Variants in AGMO observed in about 807,000 individuals in gnomAD.
The protein encoded by AGMO is glyceryl-ether monooxygenase.
Under a neutral mutation model 60.2 loss-of-function variants are expected in AGMO, and 75 were observed. That is an observed-to-expected ratio of 1.25 (90% CI 1.03 to 1.51). The LOEUF (loss-of-function observed/expected upper bound fraction) is 1.51. Ranked by LOEUF, AGMO falls within the 40% of genes most tolerant of loss-of-function variation. The pLI, the probability that AGMO is intolerant of heterozygous loss-of-function variation, is 0.00. For synonymous variants in AGMO, 261 were observed against 177.1 expected (o/e 1.47, Z -3.76); for missense variants, 763 against 525.5 (o/e 1.45, Z -4.42).
intron 12 of AGMO, among the ~76,000 whole-genome samples, chr7:15,337,596 G>T (rs1411324020): frequency 6.6e-6 from 1 of 152,158 alleles, no homozygotes; most frequent in Non-Finnish European, 1.5e-5. Flanking sequence ...TAGAGAAGAG[G>T]TCATTACAAT....
At chr7:15,336,585 A>C (rs1456788755) in intron 12 of AGMO, among the ~76,000 whole-genome samples, 1 of 152,136 alleles carries the variant, frequency 6.6e-6, no homozygotes, top group East Asian at 1.9e-4. Flanking sequence ...GGAAATTTCA[A>C]TTGTCATTTA....
chr7:15,519,012 C>T (rs1258784640), intron 3 of AGMO, among the ~76,000 whole-genome samples: 3 of 151,354 alleles, frequency 2.0e-5, no homozygotes, highest in South Asian at 2.1e-4. Flanking sequence ...ATGAGAACTT[C>T]CTGAAGCATA....
downstream of AGMO, among the ~76,000 whole-genome samples, chr7:15,198,562 C>G (rs1451596089): frequency 6.6e-6 from 1 of 152,164 alleles, no homozygotes; most frequent in Non-Finnish European, 1.5e-5. Context: ...TCAATTCATG[C>G]AGAGCCAGCT....
intron 5 of AGMO, among the ~76,000 whole-genome samples, chr7:15,417,875 G>T (rs1213110949): frequency 6.6e-6 from 1 of 152,094 alleles, no homozygotes; most frequent in Non-Finnish European, 1.5e-5. Context: ...GTTTAAAAGA[G>T]TGCTTGTGTG....
At position 15,561,977 on chromosome 7, in the gene AGMO, C is replaced by T; in HGVS notation, c.-132G>A. ...CAGAGAACAGCTAAAACCAAAGCTC[C>T]ACTGAGAGCACACTCAACAGCCGAT... is the stretch of plus-strand genomic sequence containing the variant. On this transcript the variant is annotated 5_prime_UTR_variant, in exon 1 of 13. Coordinates refer to ENST00000342526, the MANE Select transcript of AGMO (RefSeq NM_001004320.2). The T allele has an allele frequency of 2.4e-6, 2 of 843,948 alleles. No homozygotes were observed. The highest frequency in any genetic ancestry group is 3.5e-6 in the Non-Finnish European group (2 of 569,054). 52.3% of individuals were successfully genotyped at this position (843,948 alleles called of 1,614,324 possible).
chr7:15,325,484 T>G (rs1337976293), intron 12 of AGMO, among the ~76,000 whole-genome samples: 2 of 152,138 alleles, frequency 1.3e-5, no homozygotes, highest in African/African-American at 2.4e-5. Context: ...TTAAACAAAC[T>G]TCTCTCACAA....
chr7:15,557,709 G>A lies in AGMO; in HGVS notation c.257+2432C>T, dbSNP rs149581444. 1.3e-3 allele frequency among the ~76,000 whole-genome samples: 199 copies of A among 151,892 alleles called. 1 individual carries two copies. The highest frequency in any genetic ancestry group is 4.4e-3 in the African/African-American group (181 of 41,460). ...TGCTTTACTGGGATCTTTCAGACAA[G>A]GCTGTAAAAGAGAAAATTCCTTGAA... On this transcript the variant is annotated intron_variant, in intron 2 of 12. Transcript: ENST00000342526.
the AGMO span, among the ~76,000 whole-genome samples, chr7:15,125,584 T>C: frequency 5.9e-5 from 9 of 152,088 alleles, no homozygotes; most frequent in Admixed American, 1.3e-4. Context: ...ACTCTTGCAA[T>C]AGTGTTTATG....
intron 12 of AGMO, among the ~76,000 whole-genome samples, chr7:15,288,178 C>T (rs978695825): frequency 6.6e-6 from 1 of 152,002 alleles, no homozygotes; most frequent in Non-Finnish European, 1.5e-5. Flanking sequence ...CGCCCAGCAC[C>T]ACGCCCGGCT....
At chr7:15,157,973 C>T in the AGMO span, among the ~76,000 whole-genome samples, 1 of 152,214 alleles carries the variant, frequency 6.6e-6, no homozygotes, top group Admixed American at 6.5e-5. Context: ...ATTCTGGTTG[C>T]TAAGCAGGAT....
At chr7:15,352,988 G>C (rs1007163713) in intron 12 of AGMO, among the ~76,000 whole-genome samples, 13 of 152,034 alleles carry the variant, frequency 8.6e-5, no homozygotes, top group African/African-American at 3.1e-4. Flanking sequence ...TGTCGGATGC[G>C]CAGGTCATAA....
Position 15,560,217 on chromosome 7 carries a change from G to C in AGMO, c.181C>G (p.Leu61Val). ...AGGCGACCTGGTGGCTTTCCTTTGA[G>C]AATCCAGCTGACAACAAGTTCAAGC... ...MLLELVVSWI[L>V]KGKPPGRLDD... Residue 61 changes from leucine (L) to valine (V), a missense_variant, in exon 2 of 13, where the codon CTC becomes GTC. Physicochemically the swap from Leu to Val is conservative, Grantham distance 32. Transcript: ENST00000342526. 1.2e-6 allele frequency: 2 copies of C among 1,613,044 alleles called. No individual in the cohort carries two copies.
the AGMO span, among the ~76,000 whole-genome samples, chr7:15,117,298 G>T: frequency 4.7e-4 from 72 of 152,012 alleles, no homozygotes; most frequent in African/African-American, 1.7e-3. Flanking sequence ...AACTGCAAAG[G>T]AACAAGAGAG....
intron 3 of AGMO, among the ~76,000 whole-genome samples, chr7:15,497,960 G>A (rs1783278012): frequency 6.6e-6 from 1 of 151,972 alleles, no homozygotes; most frequent in South Asian, 2.1e-4. Context: ...ATCATATCAT[G>A]CTTGATGGGA....
chr7:15,288,196 T>TTTA lies in AGMO; in HGVS notation c.1263+77315_1263+77317dup, dbSNP rs1294402446. Among the ~76,000 whole-genome samples, 9 of 152,064 alleles carry TTTA rather than the reference T, an allele frequency of 5.9e-5. No homozygotes were observed. The East Asian group carries it at 1.6e-3, about 26-fold the overall frequency. On this transcript the variant is annotated intron_variant, in intron 12 of 12. Coordinates refer to ENST00000342526, the MANE Select transcript of AGMO (RefSeq NM_001004320.2). ...CCAGCACCACGCCCGGCTAATTTTT[T>TTTA]TTATTATTATTATTTTTAGTAGAGA... is the stretch of plus-strand genomic sequence containing the variant.
At chr7:15,334,325 T>A (rs77195711) in intron 12 of AGMO, among the ~76,000 whole-genome samples, 60 of 145,702 alleles carry the variant, frequency 4.1e-4, no homozygotes, top group Middle Eastern at 7.3e-3. Flanking sequence ...TTTTTTTTTT[T>A]AAATATGCAT....
chr7:15,387,279 G>A, intron 9 of AGMO, 127 bp downstream of exon 9: 1 of 1,095,444 alleles, frequency 9.1e-7, no homozygotes, highest in East Asian at 2.4e-5. Flanking sequence ...ATGCACCACA[G>A]GACTGCATCT....
In AGMO at chr7:15,515,497, T is replaced by A. The variant is rs569893737; in HGVS notation, c.409+29275A>T. Among the ~76,000 whole-genome samples the A allele has an allele frequency of 9.2e-5, 14 of 152,362 alleles. No homozygotes were observed. The East Asian group carries it at 2.7e-3, about 29-fold the overall frequency. The stretch of plus-strand genomic sequence containing the variant: ...CCTGGAATTAGAATGTGCTTTGTTG[T>A]CATTCCCGTGGATGTACGTTTTGGC... On this transcript the variant is annotated intron_variant, in intron 3 of 12. Coordinates refer to ENST00000342526, the MANE Select transcript of AGMO (RefSeq NM_001004320.2).
In AGMO at chr7:15,316,609, T is replaced by TACAC. The variant is rs67680341; in HGVS notation, c.1263+48901_1263+48904dup. 2.3e-3 allele frequency among the ~76,000 whole-genome samples: 353 copies of TACAC among 151,336 alleles called. 2 individuals carry two copies. Among genetic ancestry groups the TACAC allele is most frequent in the Admixed American group, 4.2e-3 (64 of 15,142 alleles). On this transcript the variant is annotated intron_variant, in intron 12 of 12. Transcript: ENST00000342526. ...ATGAGACTGCCTTTCCCAACAAATA[T>TACAC]ACACACACACACACACAAGTTCATT...
Sources: allele counts gnomAD v4.1 joint callset (sites outside exome capture counted in the v4.1 genomes callset), GRCh38; gene constraint gnomAD v4.1.1; transcripts MANE v1.5; gene names NCBI Gene and HGNC (gene_info 2026-07-23, HGNC 2026-07-21).